Variants in ARK2C observed in about 807,000 individuals in gnomAD.
The protein encoded by ARK2C is arkadia (RNF111) C-terminal like ring finger ubiquitin ligase 2C.
chr18:46,436,124 T>G, the ARK2C span, among the ~76,000 whole-genome samples: 1 of 152,120 alleles, frequency 6.6e-6, no homozygotes, highest in African/African-American at 2.4e-5. Context: ...TTAACTAGAG[T>G]TGGATCAGAA....
the ARK2C span, among the ~76,000 whole-genome samples, chr18:46,353,752 T>A: frequency 2.0e-5 from 3 of 152,036 alleles, no homozygotes; most frequent in African/African-American, 7.3e-5. Context: ...ATCCTTGATC[T>A]GAGAAGGGAA....
At chr18:46,412,196 A>G in the ARK2C span, among the ~76,000 whole-genome samples, 1 of 152,152 alleles carries the variant, frequency 6.6e-6, no homozygotes, top group South Asian at 2.1e-4. Context: ...TCAGATCTCA[A>G]ATTGGGCAAC....
the ARK2C span, among the ~76,000 whole-genome samples, chr18:46,406,777 C>G: frequency 6.6e-6 from 1 of 152,236 alleles, no homozygotes. Context: ...TGCTCCTCAT[C>G]CTGTCCCACA....
chr18:46,397,136 C>T, the ARK2C span, among the ~76,000 whole-genome samples: 59 of 152,312 alleles, frequency 3.9e-4, no homozygotes, highest in African/African-American at 1.4e-3. Context: ...AGGGCCCTGC[C>T]GGAGGCGTCC....
chr18:46,402,263 T>TTA, the ARK2C span, among the ~76,000 whole-genome samples: 1 of 152,226 alleles, frequency 6.6e-6, no homozygotes, highest in South Asian at 2.1e-4. Context: ...TGAGCAGGTA[T>TTA]TATATACTAT....
chr18:46,351,697 A>AT, the ARK2C span, among the ~76,000 whole-genome samples: 1 of 152,196 alleles, frequency 6.6e-6, no homozygotes, highest in African/African-American at 2.4e-5. Context: ...CCACTGAAAG[A>AT]TAACTTAGAC....
At chr18:46,420,515 G>A in the ARK2C span, among the ~76,000 whole-genome samples, 72 of 152,318 alleles carry the variant, frequency 4.7e-4, no homozygotes, top group African/African-American at 1.5e-3. Flanking sequence ...CAATGCTAAC[G>A]TGGTCCAGGT....
the ARK2C span, chr18:46,435,319 C>T: frequency 6.2e-7 from 1 of 1,614,200 alleles, no homozygotes; most frequent in Non-Finnish European, 8.5e-7. Context: ...CTGTCCACCC[C>T]CACCGCCTCC....
the ARK2C span, among the ~76,000 whole-genome samples, chr18:46,442,095 G>A: frequency 6.6e-6 from 1 of 150,452 alleles, no homozygotes; most frequent in Non-Finnish European, 1.5e-5. Context: ...CCCGGGAGGC[G>A]GAGCTTGCAG....
chr18:46,390,254 A>T, the ARK2C span, among the ~76,000 whole-genome samples: 1 of 152,114 alleles, frequency 6.6e-6, no homozygotes, highest in East Asian at 1.9e-4. Flanking sequence ...TCACTGTCTA[A>T]ATCACCCCAT....
chr18:46,447,253 AGATTC>A, the ARK2C span, among the ~76,000 whole-genome samples: 2 of 152,000 alleles, frequency 1.3e-5, no homozygotes, highest in Non-Finnish European at 2.9e-5. Flanking sequence ...TGCTCGATTT[AGATTC>A]TTCTTTCAGC....
chr18:46,437,246 T>C, the ARK2C span, among the ~76,000 whole-genome samples: 1 of 151,822 alleles, frequency 6.6e-6, no homozygotes, highest in South Asian at 2.1e-4. Context: ...GGATGCTGAT[T>C]CTCCTCCCTT....
the ARK2C span, among the ~76,000 whole-genome samples, chr18:46,405,115 T>C: frequency 6.6e-6 from 1 of 151,988 alleles, no homozygotes; most frequent in Admixed American, 6.6e-5. Flanking sequence ...AAAATGGCAG[T>C]TTATTATTTT....
chr18:46,441,063 G>A, the ARK2C span, among the ~76,000 whole-genome samples: 10 of 152,150 alleles, frequency 6.6e-5, no homozygotes, highest in Non-Finnish European at 1.3e-4. Context: ...TTGGCTCACT[G>A]CAGCCTCGAT....
the ARK2C span, among the ~76,000 whole-genome samples, chr18:46,451,561 A>G: frequency 6.6e-6 from 1 of 152,184 alleles, no homozygotes; most frequent in Non-Finnish European, 1.5e-5. Context: ...TTGGAAGGCT[A>G]AGGATGGAGA....
At chr18:46,339,097 T>A in the ARK2C span, among the ~76,000 whole-genome samples, 1 of 152,232 alleles carries the variant, frequency 6.6e-6, no homozygotes, top group East Asian at 1.9e-4. Context: ...TCTGCTGTAG[T>A]TTGTGCAAGA....
At chr18:46,460,043 C>T in the ARK2C span, 1 of 152,714 alleles carries the variant, frequency 6.5e-6, no homozygotes, top group South Asian at 2.1e-4. Context: ...GCCCCTCCAC[C>T]TGGCCAGGAC....
the ARK2C span, among the ~76,000 whole-genome samples, chr18:46,397,371 CTGTG>C: frequency 6.7e-6 from 1 of 149,502 alleles, no homozygotes; most frequent in South Asian, 2.1e-4. Context: ...GGAAGGGTGC[CTGTG>C]TGTGTGTGTG....
At chr18:46,410,790 A>G in the ARK2C span, among the ~76,000 whole-genome samples, 1 of 152,112 alleles carries the variant, frequency 6.6e-6, no homozygotes, top group Non-Finnish European at 1.5e-5. Context: ...TGCATGGTAA[A>G]CTCACTTTAA....
Sources: allele counts gnomAD v4.1 joint callset (sites outside exome capture counted in the v4.1 genomes callset), GRCh38; gene constraint gnomAD v4.1.1; transcripts MANE v1.5; gene names NCBI Gene and HGNC (gene_info 2026-07-23, HGNC 2026-07-21).